The following COL24A1 variants were observed in gnomAD, a reference collection of about 807,000 sequenced individuals.
COL24A1 encodes collagen alpha-1(XXIV) chain.
COL24A1 carries 224 observed loss-of-function variants against 253.9 expected under a neutral mutation model. That is an observed-to-expected ratio of 0.88 (90% CI 0.79 to 0.99). The LOEUF (loss-of-function observed/expected upper bound fraction) is 0.99. Ranked by LOEUF, COL24A1 falls within the 50% of genes least tolerant of loss-of-function variation. COL24A1 has a pLI of 0.00. For synonymous variants in COL24A1, 685 were observed against 673.7 expected (o/e 1.02, Z -0.26); for missense variants, 2,131 against 2,068.5 (o/e 1.03, Z -0.59).
intron 37 of COL24A1, among the ~76,000 whole-genome samples, chr1:85,851,645 T>A (rs945392520): frequency 6.6e-6 from 1 of 152,180 alleles, no homozygotes; most frequent in East Asian, 1.9e-4. Flanking sequence ...CAGAATGATG[T>A]TATCATTTCA....
At chr1:85,952,501 T>C (rs1690032000) in intron 24 of COL24A1, among the ~76,000 whole-genome samples, 1 of 152,226 alleles carries the variant, frequency 6.6e-6, no homozygotes, top group Non-Finnish European at 1.5e-5. Flanking sequence ...GAAGAAATCA[T>C]CACATTTGTG....
intron 47 of COL24A1, among the ~76,000 whole-genome samples, chr1:85,813,709 C>G (rs1480046074): frequency 2.6e-5 from 4 of 150,988 alleles, no homozygotes; most frequent in Non-Finnish European, 5.9e-5. Context: ...CGCCACTACG[C>G]CCGGCTAATT....
At chr1:85,926,097 G>T (rs1363877666) in intron 24 of COL24A1, among the ~76,000 whole-genome samples, 1 of 152,212 alleles carries the variant, frequency 6.6e-6, no homozygotes, top group Non-Finnish European at 1.5e-5. Flanking sequence ...CTGGCCATCA[G>T]AGAAATGCAA....
At chr1:85,985,128 T>C (rs1259864885) in intron 20 of COL24A1, among the ~76,000 whole-genome samples, 1 of 151,840 alleles carries the variant, frequency 6.6e-6, no homozygotes, top group East Asian at 1.9e-4. Flanking sequence ...TAAAGATAAG[T>C]GCTTGATAGG....
chr1:86,114,302 GTAAAAAAGTAA>G (rs1705912076), intron 4 of COL24A1, among the ~76,000 whole-genome samples: 2 of 152,162 alleles, frequency 1.3e-5, no homozygotes, highest in Non-Finnish European at 2.9e-5. Context: ...GAAGATAAAA[GTAAAAAAGTAA>G]ACTGCCGTAT....
chr1:85,934,695 GTT>G (rs1688103319), intron 24 of COL24A1, among the ~76,000 whole-genome samples: 1 of 152,138 alleles, frequency 6.6e-6, no homozygotes, highest in African/African-American at 2.4e-5. Flanking sequence ...CTGGCTGCCT[GTT>G]TTGTAAATAG....
intron 47 of COL24A1, among the ~76,000 whole-genome samples, chr1:85,801,618 A>G (rs1570674666): frequency 1.3e-5 from 2 of 152,196 alleles, no homozygotes; most frequent in African/African-American, 4.8e-5. Flanking sequence ...TGGGTTTCCC[A>G]GCACTCTTTG....
At chr1:86,133,150 CTGTT>C (rs1252074921) in intron 2 of COL24A1, among the ~76,000 whole-genome samples, 8 of 152,226 alleles carry the variant, frequency 5.3e-5, no homozygotes, top group Non-Finnish European at 7.4e-5. Flanking sequence ...ATTTGGCTCT[CTGTT>C]TGTCTGTTGG....
chr1:85,873,473 T>C (rs1451777568), intron 35 of COL24A1, among the ~76,000 whole-genome samples: 4 of 152,090 alleles, frequency 2.6e-5, no homozygotes, highest in African/African-American at 9.7e-5. Flanking sequence ...ATTAAGAAAA[T>C]GTGGCACATA....
At chr1:85,867,872 G>T (rs777276944) in intron 37 of COL24A1, among the ~76,000 whole-genome samples, 1 of 152,106 alleles carries the variant, frequency 6.6e-6, no homozygotes, top group Non-Finnish European at 1.5e-5. Context: ...AGCCTCCTGA[G>T]TAGCTGGGAT....
At chr1:86,126,898 T>C (rs768543845) in intron 2 of COL24A1, among the ~76,000 whole-genome samples, 1 of 152,160 alleles carries the variant, frequency 6.6e-6, no homozygotes, top group Non-Finnish European at 1.5e-5. Context: ...ATGAAATCTG[T>C]GTTAAAGTGA....
At chr1:86,038,736 G>A (rs980445330) in intron 12 of COL24A1, among the ~76,000 whole-genome samples, 2 of 152,088 alleles carry the variant, frequency 1.3e-5, no homozygotes, top group Non-Finnish European at 2.9e-5. Flanking sequence ...CCAAAGCTAT[G>A]TTCTGAATAC....
At chr1:85,809,771 A>ATATATATAGTATATAATAT (rs1416866873) in intron 47 of COL24A1, among the ~76,000 whole-genome samples, 17 of 148,124 alleles carry the variant, frequency 1.1e-4, no homozygotes, top group East Asian at 5.8e-4. Flanking sequence ...ACACACACAC[A>ATATATATAGTATATAATAT]TATATATAGT....
At chr1:85,951,472 A>G (rs1689926119) in intron 24 of COL24A1, among the ~76,000 whole-genome samples, 1 of 152,174 alleles carries the variant, frequency 6.6e-6, no homozygotes, top group African/African-American at 2.4e-5. Context: ...AAACAGCCTG[A>G]AACAAAGGCA....
intron 19 of COL24A1, among the ~76,000 whole-genome samples, chr1:86,014,648 C>A (rs1444092678): frequency 6.6e-6 from 1 of 151,950 alleles, no homozygotes; most frequent in African/African-American, 2.4e-5. Flanking sequence ...GAATGATGAT[C>A]CACATTCTAC....
chr1:85,822,760 A>G (rs1673790569), intron 45 of COL24A1, among the ~76,000 whole-genome samples: 1 of 152,094 alleles, frequency 6.6e-6, no homozygotes, highest in Non-Finnish European at 1.5e-5. Flanking sequence ...AACCCTGCCA[A>G]GTCGGTTTAG....
chr1:86,130,132 T>C (rs971360534), intron 2 of COL24A1, among the ~76,000 whole-genome samples: 1 of 151,806 alleles, frequency 6.6e-6, no homozygotes, highest in South Asian at 2.1e-4. Context: ...GTTTATTGGG[T>C]TTTATATTTT....
chr1:85,832,356 A>T (rs975241071), intron 43 of COL24A1, among the ~76,000 whole-genome samples: 2 of 152,178 alleles, frequency 1.3e-5, no homozygotes, highest in Admixed American at 6.6e-5. Flanking sequence ...GAAGTCAGGT[A>T]GCGTGATGCC....
intron 55 of COL24A1, among the ~76,000 whole-genome samples, chr1:85,746,140 A>G (rs1286521292): frequency 3.3e-5 from 5 of 152,112 alleles, no homozygotes; most frequent in Non-Finnish European, 7.4e-5. Context: ...ATTATCTTAG[A>G]ACAATGAAGC....
Sources: gnomAD v4.1 joint callset for allele counts (sites outside exome capture counted in the v4.1 genomes callset) on GRCh38, gnomAD v4.1.1 for gene constraint, MANE v1.5 for transcripts, NCBI Gene and HGNC (gene_info 2026-07-23, HGNC 2026-07-21) for gene names.